COL23A1: variants seen among roughly 807,000 people sequenced by gnomAD.
COL23A1 encodes collagen type XXIII alpha 1 chain, also known as collagen alpha-1(XXIII) chain.
A neutral mutation model predicts 99.3 loss-of-function variants in COL23A1; 97 were observed. That is an observed-to-expected ratio of 0.98 (90% CI 0.83 to 1.16). The LOEUF is 1.16. Among genes scored for constraint, COL23A1 ranks in the 50% most tolerant of loss-of-function variants. The pLI, the probability that COL23A1 is intolerant of heterozygous loss-of-function variation, is 0.00. For missense variants in COL23A1, 762 were observed against 757.4 expected, an observed-to-expected ratio of 1.01 and a Z score of -0.07; for synonymous variants, 320 against 308.2, an observed-to-expected ratio of 1.04 and a Z score of -0.40.
chr5:178,506,132 A>C (rs953277235), intron 2 of COL23A1, among the ~76,000 whole-genome samples: 3 of 152,162 alleles, frequency 2.0e-5, no homozygotes, highest in Non-Finnish European at 4.4e-5. Flanking sequence ...ACAGAGAAAA[A>C]CAAAAAACAG....
At chr5:178,323,404 G>A (rs1759456859) in intron 2 of COL23A1, among the ~76,000 whole-genome samples, 1 of 152,138 alleles carries the variant, frequency 6.6e-6, no homozygotes, top group South Asian at 2.1e-4. Context: ...GACTGCATGG[G>A]GCTGTTTCTC....
chr5:178,499,920 T>G (rs2127983115), intron 2 of COL23A1, among the ~76,000 whole-genome samples: 1 of 152,336 alleles, frequency 6.6e-6, no homozygotes, highest in Middle Eastern at 3.4e-3. Flanking sequence ...TGAATCTTGA[T>G]ATAATTACGC....
At position 178,418,564 on chromosome 5, in the gene COL23A1, C is replaced by T. The variant is rs1429919074; in HGVS notation, c.362-111645G>A. On this transcript the variant is annotated intron_variant, in intron 2 of 28. Transcript: ENST00000390654. ...TGCTGCCCTCAGGCAGAGCCACCTA[C>T]TCAACCCCCACTCAAACCCACTGGT... Among the ~76,000 whole-genome samples the T allele has an allele frequency of 1.5e-4, 23 of 152,266 alleles. 1 individual carries two copies. Among genetic ancestry groups the T allele is most frequent in the Admixed American group, 1.5e-3 (23 of 15,292 alleles).
rs138506063 is a variant in COL23A1, at chr5:178,433,683, T to A, written c.362-126764A>T. Among the ~76,000 whole-genome samples the A allele has an allele frequency of 3.3e-5, 5 of 152,334 alleles. No homozygotes were observed. The East Asian group carries it at 9.7e-4, about 29-fold the overall frequency. ...ATCACTCTGAATAGTCCAAGGATTT[T>A]AGAGTTCTGTGTCAGAACCAGGGAT... is the stretch of plus-strand genomic sequence containing the variant. On this transcript the variant is annotated intron_variant, in intron 2 of 28. Transcript: ENST00000390654.
chr5:178,360,361 C>A (rs577242733), intron 2 of COL23A1, among the ~76,000 whole-genome samples: 4 of 152,194 alleles, frequency 2.6e-5, no homozygotes, highest in East Asian at 1.9e-4. Context: ...CTTTTCCCAG[C>A]GGGGACAGGT....
At position 178,506,318 on chromosome 5, in the gene COL23A1, C is replaced by T. The variant is rs1301661728; in HGVS notation, c.361+54364G>A. Among the ~76,000 whole-genome samples the T allele has an allele frequency of 2.6e-5, 4 of 152,318 alleles. No homozygotes were observed. In the East Asian group the frequency reaches 7.7e-4, roughly 29 times the overall value. On this transcript the variant is annotated intron_variant, in intron 2 of 28. Transcript: ENST00000390654. ...TAGGCCTCAGGCTTCCTGGGTGCCC[C>T]ACACCACTGCAGCCTGCACACCAGG...
At chr5:178,419,868 G>A (rs898027742) in intron 2 of COL23A1, among the ~76,000 whole-genome samples, 11 of 152,116 alleles carry the variant, frequency 7.2e-5, no homozygotes, top group South Asian at 2.1e-4. Context: ...TAAGGCAAAC[G>A]CCGAGCTGTA....
intron 2 of COL23A1, chr5:178,350,850 T>C (rs1761282027): frequency 6.6e-6 from 1 of 152,400 alleles, no homozygotes; most frequent in African/African-American, 2.4e-5. Context: ...TCTTCCTGAC[T>C]CTGGGCCAGC....
At chr5:178,316,310 T>A (rs962330916) in intron 2 of COL23A1, among the ~76,000 whole-genome samples, 1 of 152,236 alleles carries the variant, frequency 6.6e-6, no homozygotes, top group Admixed American at 6.5e-5. Context: ...CTTAATATAA[T>A]GTAACCTGTC....
intron 2 of COL23A1, among the ~76,000 whole-genome samples, chr5:178,447,184 C>T (rs1767208670): frequency 6.6e-6 from 1 of 152,074 alleles, no homozygotes; most frequent in Admixed American, 6.5e-5. Flanking sequence ...ACCTCCATCT[C>T]CCAGGTTCAA....
At chr5:178,582,467 C>T (rs769679575) in intron 1 of COL23A1, among the ~76,000 whole-genome samples, 13 of 152,128 alleles carry the variant, frequency 8.5e-5, no homozygotes, top group Non-Finnish European at 1.6e-4. Flanking sequence ...AAGGGAGCAA[C>T]GTAGAAATCT....
At chr5:178,286,085 C>T (rs907149999) in intron 5 of COL23A1, among the ~76,000 whole-genome samples, 1 of 152,200 alleles carries the variant, frequency 6.6e-6, no homozygotes, top group Non-Finnish European at 1.5e-5. Flanking sequence ...AGACGCCTAC[C>T]TCCGTGTGGA....
At chr5:178,273,058 G>A (rs960282534) in intron 5 of COL23A1, among the ~76,000 whole-genome samples, 1 of 152,182 alleles carries the variant, frequency 6.6e-6, no homozygotes, top group Non-Finnish European at 1.5e-5. Flanking sequence ...GGCCCGTGCC[G>A]CGGTGCTGTC....
chr5:178,257,573 G>A lies in COL23A1; in HGVS notation c.730-6C>T, dbSNP rs202079920. On this transcript the variant is annotated splice_region_variant and splice_polypyrimidine_tract_variant and intron_variant, in intron 12 of 28. Coordinates refer to ENST00000390654, the MANE Select transcript of COL23A1 (RefSeq NM_173465.4). ...CTTGGTGTCCCATCGTCGCCCTGAG[G>A]AGAGGACACCTGGGGCTTGCCGGTC... is the stretch of plus-strand genomic sequence containing the variant. 2.5e-4 allele frequency: 383 copies of A among 1,556,232 alleles called. No individual in the cohort carries two copies. The highest frequency in any genetic ancestry group is 2.9e-4 in the Non-Finnish European group (329 of 1,150,010).
At chr5:178,538,874 C>T (rs1241048612) in intron 2 of COL23A1, among the ~76,000 whole-genome samples, 1 of 152,140 alleles carries the variant, frequency 6.6e-6, no homozygotes, top group African/African-American at 2.4e-5. Flanking sequence ...AGCCATACAA[C>T]AGAACATTAC....
At chr5:178,416,310 A>G (rs567569198) in intron 2 of COL23A1, among the ~76,000 whole-genome samples, 16 of 152,310 alleles carry the variant, frequency 1.1e-4, no homozygotes, top group Non-Finnish European at 2.1e-4. Flanking sequence ...AGATGCGCAA[A>G]GAGACAGCCC....
Position 178,262,238 on chromosome 5 carries a change from C to T in COL23A1, c.654G>A (p.Glu218=), listed in dbSNP as rs537374366. The T allele has an allele frequency of 7.6e-5, 121 of 1,583,460 alleles. No individual in the cohort carries two copies. In the South Asian group the frequency reaches 1.1e-3, roughly 15 times the overall value. ...GAQGPAGPKG[E]PGQDGEMGPK... ...TGACCATCTCGCCGTCTTGTCCGGG[C>T]TCTCCTTTGGGGCCCTGCGGAAGTG... is the stretch of plus-strand genomic sequence containing the variant. Residue 218 remains glutamate, a synonymous_variant, in exon 10 of 29, where the codon GAG becomes GAA. Coordinates refer to ENST00000390654, the MANE Select transcript of COL23A1 (RefSeq NM_173465.4).
intron 5 of COL23A1, among the ~76,000 whole-genome samples, chr5:178,285,018 G>A (rs1757080978): frequency 6.6e-6 from 1 of 152,140 alleles, no homozygotes; most frequent in Non-Finnish European, 1.5e-5. Context: ...GCTTTTTGTT[G>A]TAATCAGAAG....
intron 2 of COL23A1, among the ~76,000 whole-genome samples, chr5:178,521,280 G>A (rs55718222): frequency 0.073 from 11,086 of 152,232 alleles, 530 homozygotes; most frequent in Middle Eastern, 0.12. Flanking sequence ...CTGGCCGGGC[G>A]CGGTGGCTCA....
Sources: allele counts gnomAD v4.1 joint callset (sites outside exome capture counted in the v4.1 genomes callset), GRCh38; gene constraint gnomAD v4.1.1; transcripts MANE v1.5; gene names NCBI Gene and HGNC (gene_info 2026-07-23, HGNC 2026-07-21).